The following MAGI1 variants were observed in gnomAD, a reference collection of about 807,000 sequenced individuals.
The protein encoded by MAGI1 is membrane associated guanylate kinase, WW and PDZ domain containing 1.
In MAGI1, 58 loss-of-function variants were observed where a neutral mutation model predicts 139.9. That is an observed-to-expected ratio of 0.41 (90% CI 0.34 to 0.52). The LOEUF (loss-of-function observed/expected upper bound fraction) is 0.52. Among genes scored for constraint, MAGI1 ranks in the 20% least tolerant of loss-of-function variants. The pLI is 0.12. For missense variants in MAGI1, 1,874 were observed against 1,901.6 expected (o/e 0.99, Z 0.27); for synonymous variants, 812 against 737.9 (o/e 1.10, Z -1.63).
Position 65,493,834 on chromosome 3 carries a change from T to C in MAGI1, c.431-203A>G, listed in dbSNP as rs549882091. On this transcript the variant is annotated intron_variant, in intron 2 of 22. Coordinates refer to ENST00000402939, the MANE Select transcript of MAGI1 (RefSeq NM_001033057.2). ...ATTCTCATTTCCACACTCTAGTGCC[T>C]GGGACCCCAAATGGGAGAGAGAGAA... 4.6e-5 allele frequency among the ~76,000 whole-genome samples: 7 copies of C among 152,292 alleles called. No homozygotes were observed. The South Asian group carries it at 1.2e-3, about 27-fold the overall frequency.
At chr3:65,812,151 C>A (rs2041283690) in intron 1 of MAGI1, among the ~76,000 whole-genome samples, 1 of 152,064 alleles carries the variant, frequency 6.6e-6, no homozygotes, top group Non-Finnish European at 1.5e-5. Flanking sequence ...TTTTCCCAGA[C>A]ACCAGACACA....
At chr3:65,825,348 C>A (rs889906975) in intron 1 of MAGI1, among the ~76,000 whole-genome samples, 5 of 152,124 alleles carry the variant, frequency 3.3e-5, no homozygotes, top group African/African-American at 1.2e-4. Flanking sequence ...ATACTTTAAC[C>A]TAAGCAGTGG....
intron 2 of MAGI1, among the ~76,000 whole-genome samples, chr3:65,564,662 T>G (rs966200257): frequency 6.6e-6 from 1 of 152,210 alleles, no homozygotes; most frequent in Non-Finnish European, 1.5e-5. Flanking sequence ...AGACACAGCC[T>G]CGTCTCATGT....
Position 65,962,130 on chromosome 3 carries a change from T to A in MAGI1, c.313+75866A>T, listed in dbSNP as rs575156165. On this transcript the variant is annotated intron_variant, in intron 1 of 22. Coordinates refer to ENST00000402939, the MANE Select transcript of MAGI1 (RefSeq NM_001033057.2). ...GACATTAATCTGATTGTATTTTTTT[T>A]TTTTTTTTTTTTGACGGAGTCTCTC... Among the ~76,000 whole-genome samples the A allele has an allele frequency of 3.3e-5, 5 of 150,800 alleles. No individual in the cohort carries two copies. In the East Asian group the frequency reaches 7.8e-4, roughly 24 times the overall value.
At chr3:65,700,304 T>C (rs1233017243) in intron 1 of MAGI1, among the ~76,000 whole-genome samples, 1 of 152,062 alleles carries the variant, frequency 6.6e-6, no homozygotes. Context: ...TAGTTGGGCA[T>C]GGTGGTGCAT....
intron 1 of MAGI1, among the ~76,000 whole-genome samples, chr3:65,906,020 T>C (rs2061420728): frequency 6.6e-6 from 1 of 152,202 alleles, no homozygotes; most frequent in South Asian, 2.1e-4. Flanking sequence ...AAACATAACC[T>C]TGCTTTTGCT....
At chr3:65,804,618 T>C (rs972159455) in intron 1 of MAGI1, among the ~76,000 whole-genome samples, 1 of 152,136 alleles carries the variant, frequency 6.6e-6, no homozygotes, top group African/African-American at 2.4e-5. Context: ...TCATGAACTA[T>C]AGCAAGTGGC....
chr3:65,702,129 G>A (rs57831394), intron 1 of MAGI1, among the ~76,000 whole-genome samples: 3,808 of 152,106 alleles, frequency 0.025, 152 homozygotes, highest in African/African-American at 0.086. Flanking sequence ...TTCAGTACCT[G>A]TGTTTACGAG....
At chr3:65,546,314 A>C (rs1037423672) in intron 2 of MAGI1, among the ~76,000 whole-genome samples, 1 of 152,204 alleles carries the variant, frequency 6.6e-6, no homozygotes, top group Admixed American at 6.5e-5. Context: ...TCCATACAGC[A>C]TATAAACAAT....
chr3:65,498,966 T>C (rs2076978608), intron 2 of MAGI1: 2 of 980,140 alleles, frequency 2.0e-6, no homozygotes, highest in Non-Finnish European at 2.4e-6. Flanking sequence ...TCCAGTACCA[T>C]GTCCCAAACA....
At chr3:65,803,404 A>C (rs2040640828) in intron 1 of MAGI1, among the ~76,000 whole-genome samples, 1 of 152,152 alleles carries the variant, frequency 6.6e-6, no homozygotes, top group Admixed American at 6.5e-5. Context: ...ACTGACTATA[A>C]ATAAAAGATA....
chr3:65,365,203 A>C (rs779760375), intron 18 of MAGI1: 2 of 669,438 alleles, frequency 3.0e-6, no homozygotes, highest in African/African-American at 3.5e-5. Flanking sequence ...TTGCCAAAGA[A>C]AACACTGCTC....
Position 65,379,319 on chromosome 3 carries a change from C to T in MAGI1, c.2937G>A (p.Glu979=). 6.2e-7 allele frequency: 1 copy of T among 1,613,328 alleles called. No individual in the cohort carries two copies. Among genetic ancestry groups the T allele is most frequent in the Non-Finnish European group, 8.5e-7 (1 of 1,179,696 alleles). Residue 979 remains glutamate (E), a synonymous_variant, in exon 17 of 23, where the codon GAG becomes GAA. Transcript: ENST00000402939. ...AGGACACGATGACGAAGCCGAAGCC[C>T]TCGTTCTCCCCGCGCCGGATCTCCA... is the stretch of plus-strand genomic sequence containing the variant. The part of the protein sequence containing the change: ...YDVEIRRGEN[E]GFGFVIVSSV...
chr3:65,867,353 C>T (rs965828142), intron 1 of MAGI1, among the ~76,000 whole-genome samples: 5 of 152,222 alleles, frequency 3.3e-5, no homozygotes, highest in African/African-American at 1.2e-4. Context: ...TTTCTGAACA[C>T]ATCAATCAAC....
intron 1 of MAGI1, among the ~76,000 whole-genome samples, chr3:65,664,580 T>C (rs902080450): frequency 2.0e-5 from 3 of 152,110 alleles, no homozygotes; most frequent in African/African-American, 4.8e-5. Context: ...TGGAGAAAAA[T>C]AGTCAATCTT....
chr3:65,452,661 A>G (rs1297615622), intron 6 of MAGI1: 1 of 152,004 alleles, frequency 6.6e-6, no homozygotes, highest in Admixed American at 6.6e-5. Flanking sequence ...AAGCTCTTAC[A>G]GCCAGTTAGT....
intron 2 of MAGI1, chr3:65,532,903 C>T (rs924043742): frequency 3.9e-5 from 6 of 152,250 alleles, no homozygotes; most frequent in Admixed American, 1.3e-4. Flanking sequence ...AATGGCACAA[C>T]GTTAGGGGTG....
At chr3:65,532,525 A>C (rs1223917164) in intron 2 of MAGI1, among the ~76,000 whole-genome samples, 1 of 152,226 alleles carries the variant, frequency 6.6e-6, no homozygotes, top group Non-Finnish European at 1.5e-5. Context: ...AGTATGTGTA[A>C]CTTTCAGGAA....
intron 13 of MAGI1, among the ~76,000 whole-genome samples, chr3:65,392,577 AG>A (rs1944017812): frequency 6.6e-6 from 1 of 152,132 alleles, no homozygotes; most frequent in Non-Finnish European, 1.5e-5. Flanking sequence ...ATCTTCCACC[AG>A]GTGTTCCGAT....
Sources: gnomAD v4.1 joint callset for allele counts (sites outside exome capture counted in the v4.1 genomes callset) on GRCh38, gnomAD v4.1.1 for gene constraint, MANE v1.5 for transcripts, NCBI Gene and HGNC (gene_info 2026-07-23, HGNC 2026-07-21) for gene names.